The following DLC1 variants were observed in gnomAD, a reference collection of about 807,000 sequenced individuals.
The protein encoded by DLC1 is rho GTPase-activating protein 7.
A neutral mutation model predicts 140.3 loss-of-function variants in DLC1; 54 were observed. That is an observed-to-expected ratio of 0.38 (90% CI 0.31 to 0.48). DLC1 has a LOEUF of 0.48. Ranked by LOEUF, DLC1 falls within the 20% of genes least tolerant of loss-of-function variation. The probability of loss-of-function intolerance (pLI) is 0.96; values close to 1 mark genes in which losing one functional copy is unlikely to be tolerated. For missense variants in DLC1, 2,536 were observed against 1,907.0 expected (o/e 1.33, Z -6.14); for synonymous variants, 986 against 728.1 (o/e 1.35, Z -5.70).
At position 13,596,215 on chromosome 8, in the gene DLC1, T is replaced by C. The variant is rs183138097; in HGVS notation, c.-126+8322A>G. On this transcript the variant is annotated intron_variant, in intron 1 of 1. Coordinates refer to the DLC1 transcript ENST00000631382. ...TGTCTTAGCACCAAATTTTGTTCTTTATAGAAAGATGTTAGGAACCTTTAA... is the reference window on the plus strand; with the variant it reads ...TGTCTTAGCACCAAATTTTGTTCTTCATAGAAAGATGTTAGGAACCTTTAA... Among the ~76,000 whole-genome samples the C allele has an allele frequency of 9.2e-5, 14 of 152,146 alleles. No homozygotes were observed. In the East Asian group the frequency reaches 2.3e-3, roughly 25 times the overall value.
In DLC1 at chr8:13,441,767, G is replaced by A. The variant is rs531649293; in HGVS notation, c.1024-40148C>T. ...CATGGGTAGGAGGAATCAATATCGT[G>A]AACATGGCCATACTGCCCAAGGTAA... On this transcript the variant is annotated intron_variant, in intron 2 of 17. Coordinates refer to ENST00000276297, the MANE Select transcript of DLC1 (RefSeq NM_182643.3). Among the ~76,000 whole-genome samples the A allele has an allele frequency of 1.4e-4, 22 of 152,200 alleles. No individual in the cohort carries two copies. In the South Asian group the frequency reaches 3.5e-3, roughly 24 times the overall value.
At chr8:13,087,654 G>A (rs1164581942) in intron 16 of DLC1, among the ~76,000 whole-genome samples, 1 of 152,180 alleles carries the variant, frequency 6.6e-6, no homozygotes, top group Admixed American at 6.5e-5. Context: ...CCCATTTGAA[G>A]TGTAGCTTAA....
At chr8:13,274,851 A>G (rs1408998636) in intron 5 of DLC1, among the ~76,000 whole-genome samples, 1 of 152,250 alleles carries the variant, frequency 6.6e-6, no homozygotes, top group Admixed American at 6.5e-5. Flanking sequence ...TTTATTAAAC[A>G]AGACAAATAT....
intron 4 of DLC1, among the ~76,000 whole-genome samples, chr8:13,314,291 TATA>T (rs1295056742): frequency 8.1e-5 from 12 of 148,316 alleles, no homozygotes; most frequent in African/African-American, 2.7e-4. Context: ...TTAATCAGAA[TATA>T]ATATGTATAT....
At chr8:13,303,074 C>G (rs1832268670) in intron 5 of DLC1, among the ~76,000 whole-genome samples, 1 of 152,104 alleles carries the variant, frequency 6.6e-6, no homozygotes, top group Non-Finnish European at 1.5e-5. Flanking sequence ...CAGGTAAATT[C>G]ACTGCCTTGA....
chr8:13,537,770 C>T (rs1204240953), intron 1 of DLC1, among the ~76,000 whole-genome samples: 2 of 150,942 alleles, frequency 1.3e-5, no homozygotes, highest in Non-Finnish European at 2.9e-5. Context: ...TCTCCTGCCT[C>T]AGCCTCCTGA....
intron 10 of DLC1, 69 bp downstream of exon 10, chr8:13,098,330 G>T: frequency 6.4e-7 from 1 of 1,558,226 alleles, no homozygotes; most frequent in Non-Finnish European, 8.7e-7. Flanking sequence ...TTTACTGTGG[G>T]GACAACCTCA....
chr8:13,574,695 C>G (rs569403602), intron 1 of DLC1, among the ~76,000 whole-genome samples: 1 of 152,200 alleles, frequency 6.6e-6, no homozygotes, highest in East Asian at 1.9e-4. Flanking sequence ...TGCCTAAAAA[C>G]AAATCTGTTT....
chr8:13,487,429 A>G (rs1384517167), intron 2 of DLC1, among the ~76,000 whole-genome samples: 3 of 152,160 alleles, frequency 2.0e-5, no homozygotes, highest in Non-Finnish European at 4.4e-5. Context: ...AATAATGGTA[A>G]AAATTAAGAC....
At chr8:13,419,004 G>C (rs1195513874) in intron 2 of DLC1, among the ~76,000 whole-genome samples, 2 of 150,612 alleles carry the variant, frequency 1.3e-5, no homozygotes, top group Non-Finnish European at 3.0e-5. Flanking sequence ...CTCATGATTT[G>C]GCTCTCTGTT....
intron 5 of DLC1, among the ~76,000 whole-genome samples, chr8:13,213,855 T>C (rs1350540857): frequency 1.3e-5 from 2 of 151,832 alleles, no homozygotes; most frequent in East Asian, 1.9e-4. Flanking sequence ...GTGATCTCAG[T>C]TCACTGCAAC....
chr8:13,182,494 T>C (rs966710039), intron 5 of DLC1, among the ~76,000 whole-genome samples: 1 of 152,228 alleles, frequency 6.6e-6, no homozygotes, highest in African/African-American at 2.4e-5. Context: ...AATTAATTTT[T>C]GTACAAGGTG....
At chr8:13,464,746 T>TTTTATA (rs1431837420) in intron 2 of DLC1, among the ~76,000 whole-genome samples, 4 of 130,928 alleles carry the variant, frequency 3.1e-5, no homozygotes, top group African/African-American at 1.1e-4. Context: ...GAATTTTAAA[T>TTTTATA]TATATATATA....
intron 1 of DLC1, among the ~76,000 whole-genome samples, chr8:13,557,017 G>T (rs1208980864): frequency 6.6e-6 from 1 of 152,132 alleles, no homozygotes; most frequent in Non-Finnish European, 1.5e-5. Flanking sequence ...TGTAGTAATT[G>T]TCATATGCAT....
At chr8:13,285,870 G>A (rs1729150) in intron 5 of DLC1, among the ~76,000 whole-genome samples, 103,798 of 152,044 alleles carry the variant, frequency 0.68, 36,109 homozygotes, top group East Asian at 0.94. Flanking sequence ...AGTCAAAGCT[G>A]TAGTGGCAGA....
intron 9 of DLC1, 84 bp downstream of exon 9, chr8:13,099,263 C>T (rs942267430): frequency 1.3e-6 from 2 of 1,518,326 alleles, no homozygotes; most frequent in Non-Finnish European, 1.8e-6. Context: ...AGACTTAATC[C>T]CATTTCTTCC....
At chr8:13,533,569 G>A (rs919572769) in intron 1 of DLC1, among the ~76,000 whole-genome samples, 1 of 152,144 alleles carries the variant, frequency 6.6e-6, no homozygotes, top group Non-Finnish European at 1.5e-5. Context: ...AATTTTTCTG[G>A]ACGAGGAAGT....
chr8:13,309,194 T>C (rs17800601), intron 4 of DLC1, among the ~76,000 whole-genome samples: 8,178 of 152,274 alleles, frequency 0.054, 256 homozygotes, highest in South Asian at 0.12. Context: ...AGCAATTAAA[T>C]AGGATTTTCC....
intron 1 of DLC1, among the ~76,000 whole-genome samples, chr8:13,549,114 T>G (rs932409151): frequency 6.6e-6 from 1 of 152,100 alleles, no homozygotes; most frequent in African/African-American, 2.4e-5. Context: ...ATTTTCTTAC[T>G]CTGGGGCTGG....
Sources: gnomAD v4.1 joint callset for allele counts (sites outside exome capture counted in the v4.1 genomes callset) on GRCh38, gnomAD v4.1.1 for gene constraint, MANE v1.5 for transcripts, NCBI Gene and HGNC (gene_info 2026-07-23, HGNC 2026-07-21) for gene names.